Variants in DMD observed in about 807,000 individuals in gnomAD.
DMD encodes mutant dystrophin.
Under a neutral mutation model 330.1 loss-of-function variants are expected in DMD, and 63 were observed. That is an observed-to-expected ratio of 0.19 (90% CI 0.16 to 0.24). The LOEUF (loss-of-function observed/expected upper bound fraction) is 0.24. Among genes scored for constraint, DMD ranks in the 10% least tolerant of loss-of-function variants. The pLI is 1.00. For synonymous variants in DMD, 1,223 were observed against 959.8 expected (o/e 1.27, Z -5.07); for missense variants, 3,344 against 2,684.1 (o/e 1.25, Z -5.43).
chrX:32,558,812 T>C (rs754670421), intron 16 of DMD, among the ~76,000 whole-genome samples: 1 of 111,377 alleles, frequency 9.0e-6, no homozygotes, highest in African/African-American at 3.3e-5. Context: ...TTACAGACAA[T>C]GCATTTACAA....
At chrX:32,407,448 G>A (rs2098122668) in intron 30 of DMD, among the ~76,000 whole-genome samples, 1 of 111,360 alleles carries the variant, frequency 9.0e-6, no homozygotes, top group Non-Finnish European at 1.9e-5. Context: ...AGTTAGAATG[G>A]CGATCATTAA....
At chrX:31,822,652 GGGTGTGT>G (rs1405799303) in intron 49 of DMD, among the ~76,000 whole-genome samples, 31 of 68,404 alleles carry the variant, frequency 4.5e-4, no homozygotes, top group South Asian at 3.0e-3. Context: ...AAAGGCAGAG[GGGTGTGT>G]GTGTGTGTGT....
Position 32,544,605 on chromosome X carries a change from TC to T in DMD, c.2168+553del, listed in dbSNP as rs1266095685. Among the ~76,000 whole-genome samples, 3 of 111,355 alleles carry T rather than the reference TC, an allele frequency of 2.7e-5. No homozygotes were observed. The East Asian group carries it at 8.4e-4, about 31-fold the overall frequency. ...ATAATTCTGAATAGTCACAAAAAGA[TC>T]AGTTAAAAATTCTAACACCTTCAAG... On this transcript the variant is annotated intron_variant, in intron 17 of 78. Transcript: ENST00000357033.
intron 64 of DMD, among the ~76,000 whole-genome samples, chrX:31,213,738 C>A (rs775942489): frequency 1.8e-5 from 2 of 111,967 alleles, no homozygotes; most frequent in African/African-American, 6.5e-5. Flanking sequence ...GCAATTGAAC[C>A]CTGTTTAACT....
chrX:31,263,203 G>C (rs920734003), intron 62 of DMD, among the ~76,000 whole-genome samples: 1 of 112,379 alleles, frequency 8.9e-6, no homozygotes, highest in East Asian at 2.8e-4. Context: ...CAGAGACAGG[G>C]AACCACGGTG....
At chrX:32,938,935 C>G (rs1460761008) in intron 2 of DMD, among the ~76,000 whole-genome samples, 1 of 110,342 alleles carries the variant, frequency 9.1e-6, no homozygotes, top group Non-Finnish European at 1.9e-5. Context: ...ACAATACTGA[C>G]AACATTATAA....
chrX:32,081,320 G>C (rs1038837277), intron 44 of DMD, among the ~76,000 whole-genome samples: 19 of 111,983 alleles, frequency 1.7e-4, no homozygotes, highest in African/African-American at 5.8e-4. Flanking sequence ...GTATCATACT[G>C]TGGGACAAGT....
At chrX:32,098,103 G>A (rs2096520831) in intron 44 of DMD, among the ~76,000 whole-genome samples, 2 of 111,373 alleles carry the variant, frequency 1.8e-5, no homozygotes, top group Admixed American at 9.6e-5. Context: ...TTGAAAATGT[G>A]CCTGTATTTG....
At chrX:32,537,630 G>A (rs2048108724) in intron 17 of DMD, among the ~76,000 whole-genome samples, 1 of 111,749 alleles carries the variant, frequency 8.9e-6, no homozygotes, top group Admixed American at 9.5e-5. Flanking sequence ...AGCAGTTTCA[G>A]TGCTCGATGT....
intron 36 of DMD, among the ~76,000 whole-genome samples, chrX:32,364,078 A>G (rs949984794): frequency 2.7e-5 from 3 of 112,131 alleles, no homozygotes; most frequent in Non-Finnish European, 5.6e-5. Context: ...ACTAAAAGAA[A>G]GAACCCAAAG....
chrX:33,220,343 A>T (rs2052151100), intron 1 of DMD, among the ~76,000 whole-genome samples: 1 of 111,396 alleles, frequency 9.0e-6, no homozygotes, highest in Non-Finnish European at 1.9e-5. Flanking sequence ...TTGGATGGAT[A>T]CTCAGTACTA....
intron 1 of DMD, among the ~76,000 whole-genome samples, chrX:33,270,107 T>C (rs952687797): frequency 1.8e-5 from 2 of 110,700 alleles, no homozygotes; most frequent in African/African-American, 3.3e-5. Flanking sequence ...AACGCTTATG[T>C]TTTTATCTTG....
chrX:32,690,200 A>C (rs377728380), intron 9 of DMD, among the ~76,000 whole-genome samples: 1 of 111,534 alleles, frequency 9.0e-6, no homozygotes. Context: ...AAAATCAGTA[A>C]AGTTGTAGGA....
chrX:32,835,481 A>G (rs1179863113), intron 4 of DMD, among the ~76,000 whole-genome samples: 1 of 112,892 alleles, frequency 8.9e-6, no homozygotes, highest in Non-Finnish European at 1.9e-5. Flanking sequence ...AAATACCGCA[A>G]TAAAGTTATC....
chrX:32,966,901 A>G (rs17330243), intron 2 of DMD, among the ~76,000 whole-genome samples: 9,448 of 111,914 alleles, frequency 0.084, 350 homozygotes, highest in East Asian at 0.22. Flanking sequence ...AGAGTGGCCA[A>G]GGTCTTGCAA....
At chrX:33,116,451 G>C (rs2095385822) in intron 1 of DMD, among the ~76,000 whole-genome samples, 1 of 110,880 alleles carries the variant, frequency 9.0e-6, no homozygotes, top group Non-Finnish European at 1.9e-5. Context: ...CAAGGGTTCA[G>C]TCAGCCATGA....
At chrX:31,289,356 C>T (rs1372800963) in intron 62 of DMD, among the ~76,000 whole-genome samples, 1 of 107,113 alleles carries the variant, frequency 9.3e-6, no homozygotes, top group African/African-American at 3.4e-5. Flanking sequence ...TAATTGACAA[C>T]GCAAATACAA....
chrX:31,218,537 A>G (rs138966842), intron 64 of DMD, among the ~76,000 whole-genome samples: 7,863 of 111,684 alleles, frequency 0.07, 257 homozygotes, highest in Admixed American at 0.15. Context: ...AAACTTGGCA[A>G]CTATATAGCT....
At chrX:31,231,316 CA>C (rs1347722894) in intron 63 of DMD, among the ~76,000 whole-genome samples, 1 of 110,379 alleles carries the variant, frequency 9.1e-6, no homozygotes, top group Non-Finnish European at 1.9e-5. Flanking sequence ...TATTTAAATA[CA>C]TATTTTATAT....
Sources: allele counts gnomAD v4.1 joint callset (sites outside exome capture counted in the v4.1 genomes callset), GRCh38; gene constraint gnomAD v4.1.1; transcripts MANE v1.5; gene names NCBI Gene and HGNC (gene_info 2026-07-23, HGNC 2026-07-21).